The following MAD1L1 variants were observed in gnomAD, a reference collection of about 807,000 sequenced individuals.
MAD1L1 encodes the protein mitotic spindle assembly checkpoint protein MAD1.
MAD1L1 carries 95 observed loss-of-function variants against 96.9 expected under a neutral mutation model. The ratio of observed to expected loss-of-function variants is 0.98; its 90% CI spans 0.83 to 1.16. MAD1L1 has a LOEUF of 1.16. Among genes scored for constraint, MAD1L1 ranks in the 50% most tolerant of loss-of-function variants. The pLI is 0.00. For missense variants in MAD1L1, 1,007 were observed against 954.4 expected, an observed-to-expected ratio of 1.06 and a Z score of -0.73; for synonymous variants, 473 against 396.6, an observed-to-expected ratio of 1.19 and a Z score of -2.29.
At chr7:1,949,342 G>C (rs1310283575) in intron 16 of MAD1L1, among the ~76,000 whole-genome samples, 3 of 152,220 alleles carry the variant, frequency 2.0e-5, no homozygotes, top group Non-Finnish European at 4.4e-5. Flanking sequence ...ATCGCCCGGG[G>C]GGACCCGCGC....
chr7:2,049,279 C>A (rs1784063424), intron 12 of MAD1L1, among the ~76,000 whole-genome samples: 2 of 152,186 alleles, frequency 1.3e-5, no homozygotes, highest in Non-Finnish European at 2.9e-5. Context: ...TAGGCTTCCT[C>A]CCCCTAGAAG....
At chr7:1,997,150 C>T (rs886403650) in intron 14 of MAD1L1, among the ~76,000 whole-genome samples, 62 of 152,206 alleles carry the variant, frequency 4.1e-4, no homozygotes, top group African/African-American at 1.3e-3. Flanking sequence ...AGTCAGAGTG[C>T]CTTTGTCTTG....
chr7:2,100,303 C>G (rs1473591294), intron 11 of MAD1L1, among the ~76,000 whole-genome samples: 3 of 152,242 alleles, frequency 2.0e-5, no homozygotes, highest in Non-Finnish European at 4.4e-5. Context: ...CTCCTTTACT[C>G]TTGAAACTCT....
chr7:2,210,982 C>T (rs1449504372), intron 10 of MAD1L1, among the ~76,000 whole-genome samples: 2 of 152,226 alleles, frequency 1.3e-5, no homozygotes, highest in African/African-American at 2.4e-5. Flanking sequence ...ATAAAGAGAA[C>T]ACTGGCCCAG....
chr7:1,897,160 G>A (rs770270804), intron 18 of MAD1L1, among the ~76,000 whole-genome samples: 9 of 152,270 alleles, frequency 5.9e-5, no homozygotes, highest in Non-Finnish European at 5.9e-5. Context: ...AGGAAGAGCC[G>A]GGCTAAGGCT....
chr7:2,051,528 G>A (rs1228269348), intron 12 of MAD1L1, among the ~76,000 whole-genome samples: 1 of 152,128 alleles, frequency 6.6e-6, no homozygotes, highest in African/African-American at 2.4e-5. Flanking sequence ...AACGTGGTAT[G>A]TTAGAAACTC....
intron 10 of MAD1L1, among the ~76,000 whole-genome samples, chr7:2,209,537 C>A (rs566883906): frequency 6.6e-6 from 1 of 152,352 alleles, no homozygotes; most frequent in Non-Finnish European, 1.5e-5. Flanking sequence ...CCCTCACATC[C>A]CCATCGACCA....
At chr7:2,128,493 C>A (rs961095172) in intron 11 of MAD1L1, among the ~76,000 whole-genome samples, 17 of 152,214 alleles carry the variant, frequency 1.1e-4, no homozygotes, top group African/African-American at 3.9e-4. Context: ...GGAAGATGGC[C>A]GTTCAGGAGA....
At chr7:2,081,365 G>A (rs981910970) in intron 11 of MAD1L1, among the ~76,000 whole-genome samples, 10 of 152,176 alleles carry the variant, frequency 6.6e-5, no homozygotes, top group Admixed American at 2.0e-4. Flanking sequence ...GTAAAGGAAC[G>A]AAAATCACAG....
chr7:1,896,072 A>G (rs931749706), intron 18 of MAD1L1, among the ~76,000 whole-genome samples: 12 of 152,156 alleles, frequency 7.9e-5, no homozygotes, highest in African/African-American at 2.7e-4. Context: ...TGTGTCCTTT[A>G]GGCCTGGGGC....
intron 16 of MAD1L1, among the ~76,000 whole-genome samples, chr7:1,939,030 AGGGCTG>A (rs1778794803): frequency 1.8e-5 from 2 of 113,494 alleles, no homozygotes; most frequent in East Asian, 2.7e-4. Context: ...CACATGGGCC[AGGGCTG>A]GGGCCAGAGG....
rs368197167 is a variant in MAD1L1, at chr7:2,054,301, C to T, written c.1218+14893G>A. On this transcript the variant is annotated intron_variant, in intron 12 of 18. Transcript: ENST00000265854. ...AAACTCCACGCACCTGAGGCAGAGA[C>T]GGCGGTCGGGCGCACGTGGAGGGCT... Among the ~76,000 whole-genome samples the T allele has an allele frequency of 3.3e-5, 5 of 152,348 alleles. No homozygotes were observed. The East Asian group carries it at 5.8e-4, about 18-fold the overall frequency.
chr7:2,149,767 A>T (rs1297902978), intron 10 of MAD1L1, among the ~76,000 whole-genome samples: 3 of 152,350 alleles, frequency 2.0e-5, no homozygotes, highest in Middle Eastern at 3.4e-3. Flanking sequence ...TCAGACTCCA[A>T]TGTGAAACAG....
chr7:2,041,034 C>A (rs1783650407), intron 12 of MAD1L1, among the ~76,000 whole-genome samples: 1 of 152,198 alleles, frequency 6.6e-6, no homozygotes, highest in Admixed American at 6.5e-5. Flanking sequence ...CACACAAGGG[C>A]TCCATCCTAC....
At chr7:2,135,735 G>A (rs1022813144) in intron 11 of MAD1L1, among the ~76,000 whole-genome samples, 1 of 152,188 alleles carries the variant, frequency 6.6e-6, no homozygotes, top group Non-Finnish European at 1.5e-5. Context: ...TGGGAGTCCT[G>A]CCTGCCACCT....
At chr7:2,080,187 T>C (rs1422327710) in intron 11 of MAD1L1, among the ~76,000 whole-genome samples, 1 of 152,232 alleles carries the variant, frequency 6.6e-6, no homozygotes, top group African/African-American at 2.4e-5. Flanking sequence ...AGGAAAGTTT[T>C]CCTGGAACAA....
intron 18 of MAD1L1, among the ~76,000 whole-genome samples, chr7:1,859,113 TCCACACACAACC>T (rs1437396156): frequency 6.6e-6 from 1 of 151,694 alleles, no homozygotes; most frequent in Non-Finnish European, 1.5e-5. Flanking sequence ...GGAGCAGACC[TCCACACACAACC>T]CCACACGCAG....
intron 14 of MAD1L1, among the ~76,000 whole-genome samples, chr7:2,000,230 C>A (rs1781730662): frequency 6.6e-6 from 1 of 152,180 alleles, no homozygotes; most frequent in Non-Finnish European, 1.5e-5. Flanking sequence ...ACGCTCTCTA[C>A]CTCACCTGCA....
chr7:2,220,504 G>A (rs909465573), intron 5 of MAD1L1, among the ~76,000 whole-genome samples: 11 of 152,222 alleles, frequency 7.2e-5, no homozygotes, highest in African/African-American at 2.2e-4. Flanking sequence ...TTAACACACG[G>A]AAACACACGG....
Sources: gnomAD v4.1 joint callset for allele counts (sites outside exome capture counted in the v4.1 genomes callset) on GRCh38, gnomAD v4.1.1 for gene constraint, MANE v1.5 for transcripts, NCBI Gene and HGNC (gene_info 2026-07-23, HGNC 2026-07-21) for gene names.